Variants in CACNB4 observed in about 807,000 individuals in gnomAD.
The protein encoded by CACNB4 is calcium voltage-gated channel auxiliary subunit beta 4.
CACNB4 carries 32 observed loss-of-function variants against 71.2 expected under a neutral mutation model. The observed-to-expected ratio is 0.45, with a 90% CI of 0.34 to 0.60. The LOEUF (loss-of-function observed/expected upper bound fraction) is 0.60. Ranked by LOEUF, CACNB4 falls within the 20% of genes least tolerant of loss-of-function variation. The probability of loss-of-function intolerance (pLI) is 0.01; values close to 1 mark genes in which losing one functional copy is unlikely to be tolerated. For synonymous variants in CACNB4, 231 were observed against 236.9 expected, an observed-to-expected ratio of 0.97 and a Z score of 0.23; for missense variants, 464 against 647.9, an observed-to-expected ratio of 0.72 and a Z score of 3.08.
chr2:151,876,776 TA>T (rs2099846432), intron 4 of CACNB4, among the ~76,000 whole-genome samples: 2 of 143,768 alleles, frequency 1.4e-5, no homozygotes, highest in Non-Finnish European at 3.0e-5. Flanking sequence ...ATATTTTATA[TA>T]CTATACTATA....
At chr2:152,058,963 T>C (rs1030314195) in intron 2 of CACNB4, among the ~76,000 whole-genome samples, 3 of 152,238 alleles carry the variant, frequency 2.0e-5, no homozygotes, top group Non-Finnish European at 4.4e-5. Context: ...GCTTGGGCCA[T>C]TGCTTCAGAG....
rs773103780 is a variant in CACNB4, at chr2:151,852,323, C to T, written c.1116+1125G>A. 4.6e-5 allele frequency: 7 copies of T among 152,160 alleles called. No homozygotes were observed. The East Asian group carries it at 7.7e-4, about 17-fold the overall frequency. 9.4% of individuals were successfully genotyped at this position (152,160 alleles called of 1,614,324 possible). A position where few individuals can be genotyped will look rare whatever the true frequency, so the allele number is the denominator to read the frequency against. ...TGAAAGGATGCATTATTACTCTTAT[C>T]GTCTGAACATCCTTTCATTTATTCA... On this transcript the variant is annotated intron_variant, in intron 12 of 13. Transcript: ENST00000539935.
chr2:152,083,356 G>C (rs1687467139), intron 2 of CACNB4, among the ~76,000 whole-genome samples: 1 of 28,492 alleles, frequency 3.5e-5, no homozygotes, highest in Non-Finnish European at 5.1e-5. Context: ...AAGGAAGGGA[G>C]GAAGGAAGGA....
intron 2 of CACNB4, among the ~76,000 whole-genome samples, chr2:151,902,431 C>G (rs1295303083): frequency 1.3e-5 from 2 of 152,174 alleles, no homozygotes; most frequent in South Asian, 2.1e-4. Flanking sequence ...CTGGCAAAGT[C>G]CCCTAGCGAA....
intron 2 of CACNB4, among the ~76,000 whole-genome samples, chr2:152,006,771 C>A (rs970756990): frequency 5.3e-5 from 8 of 152,306 alleles, no homozygotes; most frequent in Middle Eastern, 3.4e-3. Flanking sequence ...ACGAACCCTA[C>A]ATACCAACCA....
At chr2:152,001,526 TAAAA>T (rs70974816) in intron 2 of CACNB4, among the ~76,000 whole-genome samples, 1,153 of 35,448 alleles carry the variant, frequency 0.033, 8 homozygotes, top group South Asian at 0.067. Flanking sequence ...CCATCTCTAC[TAAAA>T]AAAAAAAAAA....
At chr2:151,932,303 C>A (rs1456951657) in intron 2 of CACNB4, among the ~76,000 whole-genome samples, 7 of 152,040 alleles carry the variant, frequency 4.6e-5, no homozygotes, top group African/African-American at 7.2e-5. Context: ...AAGAAAGAAT[C>A]TGTGCCAGGA....
chr2:152,000,063 G>A (rs908647165), intron 2 of CACNB4, among the ~76,000 whole-genome samples: 7 of 152,140 alleles, frequency 4.6e-5, no homozygotes, highest in East Asian at 1.9e-4. Context: ...ATCATACTCC[G>A]ACTTGACCTT....
chr2:151,880,674 C>T, intron 4 of CACNB4, 126 bp downstream of exon 4: 1 of 949,262 alleles, frequency 1.1e-6, no homozygotes, highest in South Asian at 1.6e-5. Flanking sequence ...TTGGGAGGCT[C>T]AGCAAATTAA....
chr2:152,068,627 C>T (rs1387221107), intron 2 of CACNB4, among the ~76,000 whole-genome samples: 1 of 152,062 alleles, frequency 6.6e-6, no homozygotes, highest in East Asian at 1.9e-4. Context: ...AGTCCTAACA[C>T]CCAGATGGAA....
chr2:151,839,491 T>A, intron 13 of CACNB4, 112 bp from the exon 14 acceptor site: 1 of 812,264 alleles, frequency 1.2e-6, no homozygotes, highest in Non-Finnish European at 2.0e-6. Flanking sequence ...ATATCTGACT[T>A]AATAAGGCAT....
chr2:152,062,959 G>C (rs535584837), intron 2 of CACNB4, among the ~76,000 whole-genome samples: 55 of 152,294 alleles, frequency 3.6e-4, no homozygotes, highest in African/African-American at 1.3e-3. Flanking sequence ...TTTAGGGTGT[G>C]GGCCAGACAT....
rs373794213 is a variant in CACNB4, at chr2:151,952,791, T to C, written c.148-69421A>G. Among the ~76,000 whole-genome samples, 21 of 152,290 alleles carry C rather than the reference T, an allele frequency of 1.4e-4. No homozygotes were observed. In the East Asian group the frequency reaches 2.9e-3, roughly 21 times the overall value. On this transcript the variant is annotated intron_variant, in intron 2 of 13. Transcript: ENST00000539935. ...ACTAAAAGCCTGTTTTATGATGTAA[T>C]TGATTCACGTTCTGGCACCGTTACT...
intron 9 of CACNB4, among the ~76,000 whole-genome samples, chr2:151,863,719 A>C (rs1008111386): frequency 6.6e-6 from 1 of 152,224 alleles, no homozygotes; most frequent in African/African-American, 2.4e-5. Context: ...AAACACGACC[A>C]AAGTTTGAAA....
intron 2 of CACNB4, among the ~76,000 whole-genome samples, chr2:152,052,602 C>T (rs887900851): frequency 6.6e-6 from 1 of 152,172 alleles, no homozygotes; most frequent in Admixed American, 6.5e-5. Flanking sequence ...CTGTTCACAT[C>T]ATCTTAAAGT....
At chr2:151,993,845 G>C (rs941419288) in intron 2 of CACNB4, among the ~76,000 whole-genome samples, 1 of 150,978 alleles carries the variant, frequency 6.6e-6, no homozygotes, top group African/African-American at 2.4e-5. Context: ...TTACAGGCGT[G>C]AGCCACTGTG....
chr2:151,994,052 G>A (rs1681890052), intron 2 of CACNB4, among the ~76,000 whole-genome samples: 1 of 151,762 alleles, frequency 6.6e-6, no homozygotes, highest in Non-Finnish European at 1.5e-5. Flanking sequence ...TGTGCCTGTA[G>A]TCTCAGCTAC....
At chr2:152,073,691 G>C (rs531746165) in intron 2 of CACNB4, among the ~76,000 whole-genome samples, 6 of 152,160 alleles carry the variant, frequency 3.9e-5, no homozygotes, top group East Asian at 1.9e-4. Context: ...AAGAGATAAT[G>C]GTGGGCAGAT....
intron 2 of CACNB4, among the ~76,000 whole-genome samples, chr2:152,056,266 C>A (rs1685722007): frequency 6.6e-6 from 1 of 150,664 alleles, no homozygotes; most frequent in African/African-American, 2.4e-5. Context: ...GAGGCTGAGG[C>A]AGGAGAATGG....
Sources: allele counts gnomAD v4.1 joint callset (sites outside exome capture counted in the v4.1 genomes callset), GRCh38; gene constraint gnomAD v4.1.1; transcripts MANE v1.5; gene names NCBI Gene and HGNC (gene_info 2026-07-23, HGNC 2026-07-21).